The following FBXO34 variants were observed in gnomAD, a reference collection of about 807,000 sequenced individuals.
FBXO34 encodes F-box only protein 34.
In FBXO34, 12 loss-of-function variants were observed where a neutral mutation model predicts 24.5. The observed-to-expected ratio is 0.49, with a 90% CI of 0.31 to 0.79. The LOEUF is 0.79. Ranked by LOEUF, FBXO34 falls within the 30% of genes least tolerant of loss-of-function variation. The pLI, the probability that FBXO34 is intolerant of heterozygous loss-of-function variation, is 0.04. For synonymous variants in FBXO34, 320 were observed against 311.9 expected (o/e 1.03, Z -0.27); for missense variants, 823 against 857.7 (o/e 0.96, Z 0.51).
At chr14:55,340,705 T>C (rs960587471) in intron 1 of FBXO34, among the ~76,000 whole-genome samples, 4 of 152,196 alleles carry the variant, frequency 2.6e-5, no homozygotes, top group South Asian at 2.1e-4. Flanking sequence ...GATTTGTGTG[T>C]GTGGTGGCAG....
At chr14:55,439,218 C>G in the FBXO34 span, among the ~76,000 whole-genome samples, 1 of 149,078 alleles carries the variant, frequency 6.7e-6, no homozygotes, top group African/African-American at 2.5e-5. Flanking sequence ...GGATTACAGG[C>G]GTGAGCCACC....
At position 55,287,266 on chromosome 14, in the gene FBXO34, G is replaced by A. The variant is rs184095362; in HGVS notation, c.-11+15729G>A. 5.2e-4 allele frequency among the ~76,000 whole-genome samples: 78 copies of A among 149,390 alleles called. 1 individual carries two copies. The East Asian group carries it at 0.011, about 21-fold the overall frequency. Reference sequence around the variant, plus strand: ...TTTATACAATATTTTAAATAATTTTGTTCAGGAAACAAAGTTTGTGTACAT... The same window carrying A: ...TTTATACAATATTTTAAATAATTTTATTCAGGAAACAAAGTTTGTGTACAT... On this transcript the variant is annotated intron_variant, in intron 1 of 1. Transcript: ENST00000313833.
chr14:55,342,705 T>C (rs1271145546), intron 1 of FBXO34, among the ~76,000 whole-genome samples: 8 of 152,214 alleles, frequency 5.3e-5, no homozygotes, highest in Admixed American at 5.2e-4. Flanking sequence ...AAACAGCCTT[T>C]TATATGCTTT....
Position 55,299,457 on chromosome 14 carries a change from T to C in FBXO34, c.-11+27920T>C, listed in dbSNP as rs191369327. Among the ~76,000 whole-genome samples, 1,344 of 150,494 alleles carry C rather than the reference T, an allele frequency of 8.9e-3. 13 individuals carry two copies. Among genetic ancestry groups the C allele is most frequent in the Middle Eastern group, 0.068 (20 of 294 alleles). On this transcript the variant is annotated intron_variant, in intron 1 of 1. Transcript: ENST00000313833. ...GGGGAGAAGTGCCTGCTGTTTATAA[T>C]GTTGAATTTCTGTAAAATAAACTGT...
the FBXO34 span, among the ~76,000 whole-genome samples, chr14:55,393,623 T>G: frequency 6.6e-6 from 1 of 151,838 alleles, no homozygotes; most frequent in East Asian, 1.9e-4. Flanking sequence ...ACAGCTCACT[T>G]CAGCCTGACC....
chr14:55,440,740 C>T, the FBXO34 span: 1 of 576,536 alleles, frequency 1.7e-6, no homozygotes, highest in Non-Finnish European at 2.9e-6. Flanking sequence ...CCCCACTCTG[C>T]CCGCAGCTGG....
At chr14:55,374,339 A>G (rs1225668408), downstream of FBXO34, among the ~76,000 whole-genome samples, 1 of 152,196 alleles carries the variant, frequency 6.6e-6, no homozygotes, top group African/African-American at 2.4e-5. Context: ...CTGACTACTT[A>G]CATTTCTTGT....
chr14:55,436,968 A>G, the FBXO34 span: 2 of 1,614,234 alleles, frequency 1.2e-6, no homozygotes, highest in Non-Finnish European at 1.7e-6. Context: ...TGTACATATC[A>G]TAAGGTACAA....
chr14:55,373,014 G>C (rs567831345), downstream of FBXO34, among the ~76,000 whole-genome samples: 19 of 152,252 alleles, frequency 1.2e-4, no homozygotes, highest in South Asian at 3.9e-3. Flanking sequence ...CAGGAGGAGA[G>C]GCCCCTGCGA....
intron 1 of FBXO34, chr14:55,339,389 C>A (rs985608616): frequency 2.8e-5 from 4 of 145,240 alleles, no homozygotes; most frequent in East Asian, 2.2e-4. Flanking sequence ...CCCCCCCCCC[C>A]AATCCTGGAT....
chr14:55,344,828 G>C (rs1391956441), intron 1 of FBXO34, among the ~76,000 whole-genome samples: 1 of 151,808 alleles, frequency 6.6e-6, no homozygotes, highest in African/African-American at 2.4e-5. Context: ...TTGGTTTTCT[G>C]TTCCTGTGTT....
intron 1 of FBXO34, among the ~76,000 whole-genome samples, chr14:55,312,733 T>A (rs1453495692): frequency 6.6e-6 from 1 of 152,196 alleles, no homozygotes; most frequent in South Asian, 2.1e-4. Flanking sequence ...TGTACGTTGC[T>A]CCATTTTCAC....
At chr14:55,385,940 C>T in the FBXO34 span, 26 of 1,613,998 alleles carry the variant, frequency 1.6e-5, no homozygotes, top group African/African-American at 4.0e-5. Flanking sequence ...ATTTGCCAGA[C>T]GCTCATAATG....
At chr14:55,297,663 GGTA>G (rs1165221786) in intron 1 of FBXO34, among the ~76,000 whole-genome samples, 1 of 152,048 alleles carries the variant, frequency 6.6e-6, no homozygotes, top group Non-Finnish European at 1.5e-5. Context: ...AAGAACACTT[GGTA>G]TCATTACATG....
the FBXO34 span, among the ~76,000 whole-genome samples, chr14:55,405,428 T>A: frequency 6.6e-6 from 1 of 152,212 alleles, no homozygotes; most frequent in Non-Finnish European, 1.5e-5. Flanking sequence ...TCAGTGAAGG[T>A]AATGTGGCAT....
chr14:55,280,587 C>T (rs375752015), intron 1 of FBXO34, among the ~76,000 whole-genome samples: 7 of 141,364 alleles, frequency 5.0e-5, no homozygotes, highest in South Asian at 2.2e-4. Context: ...AGTGCAGTGG[C>T]GCGATCTTGG....
chr14:55,290,456 A>G (rs1285543178), intron 1 of FBXO34, among the ~76,000 whole-genome samples: 1 of 152,180 alleles, frequency 6.6e-6, no homozygotes. Context: ...ATACAGTAAC[A>G]TACACAGATG....
chr14:55,408,099 T>C, the FBXO34 span, among the ~76,000 whole-genome samples: 1 of 152,182 alleles, frequency 6.6e-6, no homozygotes, highest in East Asian at 1.9e-4. Flanking sequence ...TAATCACTAC[T>C]AGAAACCTAT....
intron 1 of FBXO34, among the ~76,000 whole-genome samples, chr14:55,301,000 G>A (rs945310200): frequency 6.6e-5 from 10 of 152,228 alleles, no homozygotes; most frequent in African/African-American, 9.6e-5. Flanking sequence ...TCACTAAGGT[G>A]TGGTGTTTTC....
Sources: gnomAD v4.1 joint callset for allele counts (sites outside exome capture counted in the v4.1 genomes callset) on GRCh38, gnomAD v4.1.1 for gene constraint, MANE v1.5 for transcripts, NCBI Gene and HGNC (gene_info 2026-07-23, HGNC 2026-07-21) for gene names.